Variants in NRXN1 observed in about 807,000 individuals in gnomAD.
The protein encoded by NRXN1 is neurexin-1.
In NRXN1, 39 loss-of-function variants were observed where a neutral mutation model predicts 150.9. The ratio of observed to expected loss-of-function variants is 0.26; its 90% confidence interval spans 0.20 to 0.34. The LOEUF is 0.34. NRXN1 is among the 10% of genes least tolerant of loss of function. The pLI is 1.00. For missense variants in NRXN1, 1,815 were observed against 1,949.9 expected (o/e 0.93, Z 1.30); for synonymous variants, 924 against 757.0 (o/e 1.22, Z -3.62).
rs560768911 is a variant in NRXN1, at chr2:50,005,072, T to A, written c.4128+48199A>T. ...TAACCAAAATAATAACAAATATTCATGAAACCACTGTCTTTCTTTTTCAGC... is the reference window on the plus strand; with the variant it reads ...TAACCAAAATAATAACAAATATTCAAGAAACCACTGTCTTTCTTTTTCAGC... On this transcript the variant is annotated intron_variant, in intron 21 of 22. Coordinates refer to ENST00000401669, the MANE Select transcript of NRXN1 (RefSeq NM_001330078.2). 1.3e-4 allele frequency among the ~76,000 whole-genome samples: 20 copies of A among 152,262 alleles called. No homozygotes were observed. In the South Asian group the frequency reaches 3.9e-3, roughly 30 times the overall value.
chr2:50,741,282 C>T (rs994387041), intron 5 of NRXN1, among the ~76,000 whole-genome samples: 1 of 152,088 alleles, frequency 6.6e-6, no homozygotes, highest in Non-Finnish European at 1.5e-5. Context: ...ATCTATTTCT[C>T]TATGGATGAA....
intron 2 of NRXN1, among the ~76,000 whole-genome samples, chr2:51,023,900 A>C (rs1420647454): frequency 6.6e-6 from 1 of 152,202 alleles, no homozygotes; most frequent in Non-Finnish European, 1.5e-5. Flanking sequence ...GACATTAAAC[A>C]ATCAGGAAGC....
At chr2:50,550,758 T>A (rs12053235) in intron 9 of NRXN1, among the ~76,000 whole-genome samples, 43,546 of 150,626 alleles carry the variant, frequency 0.29, 6,691 homozygotes, top group East Asian at 0.52. Context: ...CTCGGCTCAC[T>A]GCAAAATCCG....
rs112458706 is a variant in NRXN1 at position 50,949,905 on chromosome 2, G to A, written c.773-23950C>T. 1.9e-3 allele frequency among the ~76,000 whole-genome samples: 288 copies of A among 152,234 alleles called. 4 individuals are homozygous for A. Among genetic ancestry groups the A allele is most frequent in the African/African-American group, 6.7e-3 (280 of 41,568 alleles). On this transcript the variant is annotated intron_variant, in intron 2 of 22. Coordinates refer to ENST00000401669, the MANE Select transcript of NRXN1 (RefSeq NM_001330078.2). Reference sequence around the variant, plus strand: ...TCTCATCTATTTCTGTTGAAAGTGTGTATGTACAAGGAAGATTTGGGGAAA... The same window carrying A: ...TCTCATCTATTTCTGTTGAAAGTGTATATGTACAAGGAAGATTTGGGGAAA...
intron 18 of NRXN1, among the ~76,000 whole-genome samples, chr2:50,227,205 T>G (rs2064474220): frequency 6.6e-6 from 1 of 151,734 alleles, no homozygotes; most frequent in South Asian, 2.1e-4. Flanking sequence ...TTTTGCCAAT[T>G]TTTTCCAGAC....
chr2:50,623,790 T>G (rs1680488558), intron 5 of NRXN1, among the ~76,000 whole-genome samples, 175 bp from the exon 6 acceptor site: 1 of 152,002 alleles, frequency 6.6e-6, no homozygotes, highest in African/African-American at 2.4e-5. Context: ...TTTAAAAAAT[T>G]TTATTATTAT....
chr2:50,163,710 C>A (rs1049515748), intron 18 of NRXN1, among the ~76,000 whole-genome samples: 11 of 152,116 alleles, frequency 7.2e-5, no homozygotes, highest in Non-Finnish European at 1.6e-4. Context: ...GTTTAAAAGT[C>A]CAGTAAGCAT....
intron 2 of NRXN1, among the ~76,000 whole-genome samples, chr2:51,018,477 C>T (rs557336628): frequency 1.1e-4 from 16 of 152,170 alleles, no homozygotes; most frequent in African/African-American, 3.9e-4. Context: ...TCATATATAC[C>T]TGAAATAGTA....
chr2:50,851,198 G>A (rs1282899606), intron 5 of NRXN1, among the ~76,000 whole-genome samples: 1 of 152,116 alleles, frequency 6.6e-6, no homozygotes, highest in African/African-American at 2.4e-5. Flanking sequence ...CTTAAGAGGA[G>A]CCATAGGTCT....
chr2:50,234,806 C>A (rs1037214357), intron 18 of NRXN1, among the ~76,000 whole-genome samples: 1 of 151,918 alleles, frequency 6.6e-6, no homozygotes, highest in African/African-American at 2.4e-5. Context: ...AGACCAAGAT[C>A]GGAGATTCAG....
chr2:50,392,518 T>TTGTA (rs1291448980), intron 17 of NRXN1, among the ~76,000 whole-genome samples: 1 of 152,138 alleles, frequency 6.6e-6, no homozygotes, highest in African/African-American at 2.4e-5. Flanking sequence ...AGAGATGTCT[T>TTGTA]TTACAAAGAT....
At chr2:50,839,315 T>C (rs779192812) in intron 5 of NRXN1, among the ~76,000 whole-genome samples, 8 of 152,138 alleles carry the variant, frequency 5.3e-5, no homozygotes, top group Non-Finnish European at 1.0e-4. Context: ...CAAGAGGATG[T>C]GAAATTTAAA....
At chr2:50,915,053 G>C (rs906667140) in intron 5 of NRXN1, among the ~76,000 whole-genome samples, 1 of 151,598 alleles carries the variant, frequency 6.6e-6, no homozygotes, top group Admixed American at 6.6e-5. Context: ...CTAGATCATG[G>C]TATGGAAGTT....
intron 17 of NRXN1, among the ~76,000 whole-genome samples, chr2:50,338,810 C>G (rs2077360329): frequency 6.6e-6 from 1 of 152,076 alleles, no homozygotes; most frequent in East Asian, 1.9e-4. Context: ...CACACTTTTC[C>G]TGAATGTATT....
chr2:50,552,599 C>G lies in NRXN1; in HGVS notation c.1747G>C (p.Asp583His). The stretch of plus-strand genomic sequence containing the variant: ...ATGATAAGATTACCTGACCGTCCGT[C>G]TCTCTGGAAGTCCACATGATACCAT... ...GEWYHVDFQR[D>H]GRSGTISVNT... Residue 583 changes from aspartate (D) to histidine (H), a missense_variant, in exon 9 of 23, where the codon GAC (aspartate) becomes CAC (histidine). By Grantham distance (81) the Asp-to-His change is moderately conservative. This residue lies in a region of NRXN1 where 638 missense variants were observed against 652.6 expected (regional missense o/e 0.98). Transcript: ENST00000401669. 6.2e-7 allele frequency: 1 copy of G among 1,610,120 alleles called. No homozygotes were observed. The highest frequency in any genetic ancestry group is 2.2e-5 in the East Asian group (1 of 44,790).
At chr2:50,211,413 G>A (rs1450909452) in intron 18 of NRXN1, among the ~76,000 whole-genome samples, 2 of 151,442 alleles carry the variant, frequency 1.3e-5, no homozygotes, top group Admixed American at 6.6e-5. Flanking sequence ...TTCTTAAGAT[G>A]AAAATATTCA....
At chr2:50,823,956 G>A (rs1317323587) in intron 5 of NRXN1, among the ~76,000 whole-genome samples, 1 of 152,022 alleles carries the variant, frequency 6.6e-6, no homozygotes, top group Non-Finnish European at 1.5e-5. Context: ...CAACATCTAT[G>A]GTAAGCCTCA....
chr2:50,675,071 G>A (rs1689364353), intron 5 of NRXN1, among the ~76,000 whole-genome samples: 1 of 151,984 alleles, frequency 6.6e-6, no homozygotes, highest in South Asian at 2.1e-4. Flanking sequence ...TCACCATGTG[G>A]CACACTGGCT....
chr2:50,902,456 T>G (rs2103970455), intron 5 of NRXN1, among the ~76,000 whole-genome samples: 1 of 152,330 alleles, frequency 6.6e-6, no homozygotes, highest in Non-Finnish European at 1.5e-5. Context: ...AGGATTTTCA[T>G]AACTCTAAAC....
Sources: allele counts gnomAD v4.1 joint callset (sites outside exome capture counted in the v4.1 genomes callset), GRCh38; gene constraint gnomAD v4.1.1; regional missense constraint gnomAD v4.1.1; transcripts MANE v1.5; gene names NCBI Gene and HGNC (gene_info 2026-07-23, HGNC 2026-07-21).